Variants in GRIK4 observed in about 807,000 individuals in gnomAD.
GRIK4 encodes the protein glutamate ionotropic receptor kainate type subunit 4, also known as glutamate receptor ionotropic, kainate 4.
GRIK4 carries 40 observed loss-of-function variants against 104.9 expected under a neutral mutation model. The ratio of observed to expected loss-of-function variants is 0.38; its 90% CI spans 0.30 to 0.50. The LOEUF (loss-of-function observed/expected upper bound fraction) is 0.50, where lower values mean the gene tolerates loss of function less well. Among genes scored for constraint, GRIK4 ranks in the 20% least tolerant of loss-of-function variants. The pLI is 0.93. For synonymous variants in GRIK4, 485 were observed against 524.9 expected (o/e 0.92, Z 1.04); for missense variants, 1,047 against 1,308.1 (o/e 0.80, Z 3.08).
intron 1 of GRIK4, among the ~76,000 whole-genome samples, chr11:120,595,917 GCTCACTGCAACTTCCACCT>G (rs1274030596): frequency 6.6e-6 from 1 of 152,224 alleles, no homozygotes; most frequent in Non-Finnish European, 1.5e-5. Flanking sequence ...CGTGATCTCA[GCTCACTGCAACTTCCACCT>G]CCCGGGTTCA....
chr11:120,859,254 G>C (rs1298202899), intron 8 of GRIK4: 2 of 152,100 alleles, frequency 1.3e-5, no homozygotes, highest in African/African-American at 4.8e-5. Flanking sequence ...CCAAATAGGA[G>C]GCTAAGCTTT....
chr11:120,525,483 G>T (rs1249997887), intron 1 of GRIK4, among the ~76,000 whole-genome samples: 3 of 152,188 alleles, frequency 2.0e-5, no homozygotes, highest in Non-Finnish European at 4.4e-5. Context: ...ACTGGGCAGG[G>T]CGTGGAAAGA....
intron 3 of GRIK4, among the ~76,000 whole-genome samples, chr11:120,772,261 A>C (rs1951961087): frequency 6.6e-6 from 1 of 152,252 alleles, no homozygotes; most frequent in African/African-American, 2.4e-5. Flanking sequence ...AGAATGAGTA[A>C]TATATAAAGA....
chr11:120,550,148 G>A (rs1004062286), intron 1 of GRIK4, among the ~76,000 whole-genome samples: 8 of 152,134 alleles, frequency 5.3e-5, no homozygotes, highest in South Asian at 2.1e-4. Flanking sequence ...CTGGTGCAGC[G>A]TCACAGGGGG....
intron 1 of GRIK4, among the ~76,000 whole-genome samples, chr11:120,626,751 G>A (rs933005907): frequency 6.6e-6 from 1 of 152,156 alleles, no homozygotes; most frequent in Admixed American, 6.5e-5. Context: ...CTGGACACAC[G>A]ATGTCTGGAA....
chr11:120,840,068 A>G (rs1484017252), intron 8 of GRIK4, among the ~76,000 whole-genome samples: 1 of 152,200 alleles, frequency 6.6e-6, no homozygotes, highest in Non-Finnish European at 1.5e-5. Flanking sequence ...CACAGCCATC[A>G]CAGGCGGAGC....
At chr11:120,875,501 AG>A (rs1023089870) in intron 11 of GRIK4, among the ~76,000 whole-genome samples, 2 of 152,206 alleles carry the variant, frequency 1.3e-5, no homozygotes, top group Admixed American at 6.5e-5. Context: ...GTGTCATGTA[AG>A]GGGGGGAATT....
Position 120,562,185 on chromosome 11 carries a change from T to G in GRIK4, c.-159+50298T>G, listed in dbSNP as rs1336235707. Among the ~76,000 whole-genome samples, 3 of 152,320 alleles carry G rather than the reference T, an allele frequency of 2.0e-5. No individual in the cohort carries two copies. In the East Asian group the frequency reaches 5.8e-4, roughly 29 times the overall value. Reference sequence around the variant, plus strand: ...GCCTTAAGATATTACCTTTATCCATTTTAATAAGGAAACTGTGATTCAGAG... The same window carrying G: ...GCCTTAAGATATTACCTTTATCCATGTTAATAAGGAAACTGTGATTCAGAG... On this transcript the variant is annotated intron_variant, in intron 1 of 20. Coordinates refer to ENST00000527524, the MANE Select transcript of GRIK4 (RefSeq NM_014619.5).
intron 4 of GRIK4, among the ~76,000 whole-genome samples, chr11:120,814,572 C>T (rs71484187): frequency 6.6e-6 from 1 of 152,206 alleles, no homozygotes; most frequent in Non-Finnish European, 1.5e-5. Context: ...GCACTCCAAC[C>T]TGGGTGACAG....
At chr11:120,670,952 G>A (rs892800363) in intron 3 of GRIK4, among the ~76,000 whole-genome samples, 2 of 151,984 alleles carry the variant, frequency 1.3e-5, no homozygotes, top group Admixed American at 6.6e-5. Context: ...GAGAACATGT[G>A]GTGTTTGGTT....
In GRIK4 at chr11:120,963,056, A is replaced by G. The variant is rs1295747328; in HGVS notation, c.2266+375A>G. 2.4e-5 allele frequency: 4 copies of G among 166,536 alleles called. No homozygotes were observed. In the South Asian group the frequency reaches 5.9e-4, roughly 24 times the overall value. The allele number at this position is 166,536 out of a possible 1,614,324, so 10.3% of individuals were successfully genotyped here. A position where few individuals can be genotyped will look rare whatever the true frequency, so the allele number is the denominator to read the frequency against. On this transcript the variant is annotated intron_variant, in intron 18 of 20. Transcript: ENST00000527524. ...CATTTCTCTGTTGATTGCTATCTCT[A>G]CTAGCAGTGGGAAGAAGGATGAGAT...
At chr11:120,813,635 C>T (rs761921584) in intron 4 of GRIK4, among the ~76,000 whole-genome samples, 1 of 152,142 alleles carries the variant, frequency 6.6e-6, no homozygotes, top group Non-Finnish European at 1.5e-5. Context: ...GGGATTTGAA[C>T]CCTGGTGTTC....
At chr11:120,946,187 C>CT (rs1318271099) in intron 14 of GRIK4, among the ~76,000 whole-genome samples, 1 of 152,214 alleles carries the variant, frequency 6.6e-6, no homozygotes, top group Non-Finnish European at 1.5e-5. Context: ...TTTTCTGTCT[C>CT]TTTTTTTCTG....
chr11:120,681,431 C>G (rs1950191903), intron 3 of GRIK4, among the ~76,000 whole-genome samples: 1 of 152,342 alleles, frequency 6.6e-6, no homozygotes. Context: ...GAGGCTGCAA[C>G]AGGTGCTGCG....
intron 1 of GRIK4, among the ~76,000 whole-genome samples, chr11:120,544,372 C>T (rs1160246129): frequency 1.3e-5 from 2 of 152,018 alleles, no homozygotes; most frequent in African/African-American, 4.8e-5. Flanking sequence ...GCTCTGTCAC[C>T]CAGGCTAGAG....
intron 3 of GRIK4, among the ~76,000 whole-genome samples, chr11:120,697,083 C>T (rs1474305743): frequency 3.9e-5 from 6 of 152,332 alleles, no homozygotes; most frequent in Admixed American, 2.6e-4. Flanking sequence ...CGCTTCCCAG[C>T]TCTTTTCCTC....
intron 3 of GRIK4, among the ~76,000 whole-genome samples, chr11:120,791,025 G>A (rs979992647): frequency 3.3e-5 from 5 of 152,170 alleles, no homozygotes; most frequent in African/African-American, 7.2e-5. Context: ...AGTCTGATGT[G>A]TAGATGAGAA....
intron 8 of GRIK4, among the ~76,000 whole-genome samples, chr11:120,841,829 G>A (rs1953724433): frequency 1.3e-5 from 2 of 152,176 alleles, no homozygotes; most frequent in African/African-American, 4.8e-5. Flanking sequence ...CAAGTAGTCA[G>A]ATGTGTTTTT....
chr11:120,647,066 G>T (rs1334618439), intron 1 of GRIK4, among the ~76,000 whole-genome samples: 1 of 152,192 alleles, frequency 6.6e-6, no homozygotes, highest in Non-Finnish European at 1.5e-5. Flanking sequence ...ACTTTCATTA[G>T]AGCCTAACAT....
Sources: allele counts gnomAD v4.1 joint callset (sites outside exome capture counted in the v4.1 genomes callset), GRCh38; gene constraint gnomAD v4.1.1; transcripts MANE v1.5; gene names NCBI Gene and HGNC (gene_info 2026-07-23, HGNC 2026-07-21).